The following RBFOX1 variants were observed in gnomAD, a reference collection of about 807,000 sequenced individuals.
The protein encoded by RBFOX1 is RNA binding protein fox-1 homolog 1.
In RBFOX1, 8 loss-of-function variants were observed where a neutral mutation model predicts 57.7. That is an observed-to-expected ratio of 0.14 (90% CI 0.08 to 0.25). The LOEUF is 0.25. Among genes scored for constraint, RBFOX1 ranks in the 10% least tolerant of loss-of-function variants. The pLI is 1.00. For missense variants in RBFOX1, 611 were observed against 548.5 expected (o/e 1.11, Z -1.14); for synonymous variants, 326 against 222.4 (o/e 1.47, Z -4.15).
intron 1 of RBFOX1, among the ~76,000 whole-genome samples, chr16:5,246,078 C>G (rs183387786): frequency 6.6e-6 from 1 of 152,028 alleles, no homozygotes; most frequent in Admixed American, 6.6e-5. Context: ...ACTGTCTCTA[C>G]TAAAAATACA....
At chr16:6,193,379 T>TTA (rs1484355546) in intron 1 of RBFOX1, among the ~76,000 whole-genome samples, 16,962 of 61,702 alleles carry the variant, frequency 0.27, 2,771 homozygotes, top group East Asian at 0.36. Context: ...TATATATACA[T>TTA]TATATATATA....
chr16:7,217,011 C>CCCTGCCTCCCTCCCTT (rs2092172745), intron 4 of RBFOX1, among the ~76,000 whole-genome samples: 1 of 29,252 alleles, frequency 3.4e-5, no homozygotes, highest in African/African-American at 1.6e-4. Flanking sequence ...TCCCTCCCTT[C>CCCTGCCTCCCTCCCTT]CCTCCCTCCC....
At chr16:7,010,522 C>A (rs1028066656) in intron 3 of RBFOX1, among the ~76,000 whole-genome samples, 2 of 150,782 alleles carry the variant, frequency 1.3e-5, no homozygotes, top group Non-Finnish European at 2.9e-5. Context: ...GGGAGAGACA[C>A]TGATCACATC....
chr16:6,250,559 G>C (rs2097601117), intron 1 of RBFOX1, among the ~76,000 whole-genome samples: 1 of 152,262 alleles, frequency 6.6e-6, no homozygotes, highest in East Asian at 1.9e-4. Flanking sequence ...TCAACCAGGA[G>C]CCCTAGTTAA....
chr16:6,773,112 G>T (rs1418130323), intron 3 of RBFOX1, among the ~76,000 whole-genome samples: 12 of 144,150 alleles, frequency 8.3e-5, no homozygotes, highest in African/African-American at 3.1e-4. Flanking sequence ...ATTTGTGCGT[G>T]TATGTGTATA....
At chr16:7,284,156 G>A (rs773768698) in intron 4 of RBFOX1, among the ~76,000 whole-genome samples, 9 of 152,194 alleles carry the variant, frequency 5.9e-5, no homozygotes, top group Non-Finnish European at 1.3e-4. Context: ...TGGTACAGAT[G>A]CACTATAGTT....
At chr16:6,355,488 T>G (rs1031969956) in intron 2 of RBFOX1, among the ~76,000 whole-genome samples, 1 of 152,206 alleles carries the variant, frequency 6.6e-6, no homozygotes, top group Non-Finnish European at 1.5e-5. Context: ...GGCTGCATAG[T>G]ATTCCATGGT....
chr16:6,779,723 T>A (rs1382355435), intron 3 of RBFOX1, among the ~76,000 whole-genome samples: 5 of 85,612 alleles, frequency 5.8e-5, no homozygotes, highest in African/African-American at 3.2e-4. Context: ...ATATATATAT[T>A]TATATATTTT....
chr16:6,856,140 C>G (rs922257591), intron 3 of RBFOX1, among the ~76,000 whole-genome samples: 1 of 152,064 alleles, frequency 6.6e-6, no homozygotes, highest in Non-Finnish European at 1.5e-5. Flanking sequence ...CCTTTACCTT[C>G]CCTTCCCTTT....
At chr16:7,586,795 C>A (rs1232358120) in intron 6 of RBFOX1, among the ~76,000 whole-genome samples, 1 of 152,188 alleles carries the variant, frequency 6.6e-6, no homozygotes, top group Non-Finnish European at 1.5e-5. Flanking sequence ...TATGATAGAG[C>A]TGCTCCTAGA....
intron 4 of RBFOX1, among the ~76,000 whole-genome samples, chr16:7,486,032 C>T (rs1240836986): frequency 1.3e-5 from 2 of 148,746 alleles, no homozygotes; most frequent in African/African-American, 2.4e-5. Flanking sequence ...TACAGGAAAA[C>T]ACAATTTCTG....
chr16:7,568,292 G>A (rs2092349600), intron 5 of RBFOX1, among the ~76,000 whole-genome samples: 1 of 152,124 alleles, frequency 6.6e-6, no homozygotes, highest in African/African-American at 2.4e-5. Flanking sequence ...TTATTCATGA[G>A]TTTTCTGGGA....
At chr16:7,165,421 T>TGA (rs2079256441) in intron 4 of RBFOX1, among the ~76,000 whole-genome samples, 1 of 148,366 alleles carries the variant, frequency 6.7e-6, no homozygotes, top group Non-Finnish European at 1.5e-5. Context: ...ATAATAATCA[T>TGA]TATTATTATT....
chr16:7,466,540 G>A (rs1472463838), intron 4 of RBFOX1, among the ~76,000 whole-genome samples: 1 of 152,154 alleles, frequency 6.6e-6, no homozygotes, highest in Admixed American at 6.5e-5. Flanking sequence ...ACGATGTCCT[G>A]CCTTCATCTG....
intron 4 of RBFOX1, among the ~76,000 whole-genome samples, chr16:7,058,729 T>A (rs1442004320): frequency 1.3e-5 from 2 of 152,242 alleles, no homozygotes; most frequent in Admixed American, 6.5e-5. Flanking sequence ...TTTTTTTCAT[T>A]AACTTTTATG....
At chr16:5,459,975 A>G (rs561289316) in intron 1 of RBFOX1, among the ~76,000 whole-genome samples, 35 of 152,220 alleles carry the variant, frequency 2.3e-4, no homozygotes, top group Admixed American at 3.9e-4. Flanking sequence ...AGCTGCAAAG[A>G]CATTCCATGG....
intron 3 of RBFOX1, among the ~76,000 whole-genome samples, chr16:6,799,354 G>A (rs781420564): frequency 2.0e-5 from 3 of 152,078 alleles, no homozygotes; most frequent in Non-Finnish European, 2.9e-5. Context: ...AGTAATGGCA[G>A]TCTTTGTAGT....
At chr16:6,536,058 C>T (rs1420057) in intron 2 of RBFOX1, among the ~76,000 whole-genome samples, 64,925 of 151,864 alleles carry the variant, frequency 0.43, 14,477 homozygotes, top group Non-Finnish European at 0.5. Context: ...TGGGAATGGA[C>T]ATCTTGTTCA....
chr16:6,962,957 C>A (rs1487690077), intron 3 of RBFOX1, among the ~76,000 whole-genome samples: 3 of 152,204 alleles, frequency 2.0e-5, no homozygotes, highest in African/African-American at 7.2e-5. Flanking sequence ...GCTTTGATCG[C>A]TCAGCAGTTT....
Sources: gnomAD v4.1 joint callset for allele counts (sites outside exome capture counted in the v4.1 genomes callset) on GRCh38, gnomAD v4.1.1 for gene constraint, MANE v1.5 for transcripts, NCBI Gene and HGNC (gene_info 2026-07-23, HGNC 2026-07-21) for gene names.